The following PEAK1 variants were observed in gnomAD, a reference collection of about 807,000 sequenced individuals.
PEAK1 encodes the protein inactive tyrosine-protein kinase PEAK1.
In PEAK1, 54 loss-of-function variants were observed where a neutral mutation model predicts 124.7. The ratio of observed to expected loss-of-function variants is 0.43; its 90% confidence interval spans 0.35 to 0.54. The LOEUF is 0.54. Among genes scored for constraint, PEAK1 ranks in the 20% least tolerant of loss-of-function variants. The pLI, the probability that PEAK1 is intolerant of heterozygous loss-of-function variation, is 0.01. For synonymous variants in PEAK1, 719 were observed against 760.0 expected (o/e 0.95, Z 0.89); for missense variants, 2,046 against 2,134.5 (o/e 0.96, Z 0.82).
At chr15:77,266,768 A>G (rs1227447839) in intron 5 of PEAK1, among the ~76,000 whole-genome samples, 3 of 152,196 alleles carry the variant, frequency 2.0e-5, no homozygotes, top group Non-Finnish European at 2.9e-5. Context: ...AGAGACCCAC[A>G]TCACGAACTT....
At chr15:77,367,372 A>G (rs1226231345) in intron 1 of PEAK1, among the ~76,000 whole-genome samples, 1 of 152,158 alleles carries the variant, frequency 6.6e-6, no homozygotes, top group East Asian at 1.9e-4. Flanking sequence ...CAGGAACCAA[A>G]GGTTGTATGA....
At chr15:77,167,712 A>G (rs1415097575) in intron 7 of PEAK1, among the ~76,000 whole-genome samples, 1 of 152,250 alleles carries the variant, frequency 6.6e-6, no homozygotes, top group African/African-American at 2.4e-5. Flanking sequence ...GGATTCTCTT[A>G]GTAAAAAGGA....
intron 8 of PEAK1, among the ~76,000 whole-genome samples, chr15:77,152,931 GA>G (rs2054785120): frequency 6.6e-6 from 1 of 152,204 alleles, no homozygotes; most frequent in South Asian, 2.1e-4. Context: ...GTTCATCAAG[GA>G]TATTGGTCTA....
chr15:77,332,338 A>T (rs1421762474), intron 2 of PEAK1: 1 of 929,414 alleles, frequency 1.1e-6, no homozygotes. Flanking sequence ...GGTGGCTCAC[A>T]CCTGTAATCC....
chr15:77,194,945 A>T (rs1021383093), intron 6 of PEAK1, among the ~76,000 whole-genome samples: 4 of 152,252 alleles, frequency 2.6e-5, no homozygotes, highest in Admixed American at 2.6e-4. Context: ...CACCAATTAC[A>T]GCAAGATAGC....
chr15:77,250,453 G>T (rs1294933624), intron 6 of PEAK1, among the ~76,000 whole-genome samples: 1 of 150,572 alleles, frequency 6.6e-6, no homozygotes, highest in Admixed American at 6.7e-5. Flanking sequence ...TGTTTTTTGA[G>T]ATGGAGTCTC....
rs1437484996 is a variant in PEAK1, at chr15:77,332,911, T to G, written c.-603+32252A>C. ...TTTCTTTGTTTACTAATGAGATTGA[T>G]GATGCTTTCCCACATTTATTGGTTG... On this transcript the variant is annotated intron_variant, in intron 2 of 9. Coordinates refer to ENST00000682557, the MANE Select transcript of PEAK1 (RefSeq NM_001385026.1). The G allele has an allele frequency of 1.6e-5, 4 of 242,748 alleles. No individual in the cohort carries two copies. In the South Asian group the frequency reaches 6.1e-4, roughly 37 times the overall value. The allele number at this position is 242,748 out of a possible 1,614,324, so 15.0% of individuals were successfully genotyped here.
In PEAK1 at chr15:77,133,310, G is replaced by A. The variant is rs776197799; in HGVS notation, c.3772C>T (p.Arg1258Cys). 6.8e-6 allele frequency: 11 copies of A among 1,614,206 alleles called. No individual in the cohort carries two copies. Among genetic ancestry groups the A allele is most frequent in the South Asian group, 4.4e-5 (4 of 91,082 alleles). ...CGGCCCTGTCTGCAAGAGGGCCCAC[G>A]CCGGCTGGAGAGGGATTCCATGCTG... ...SNSMESLSSR[R>C]GPSCRQGRGI... is the part of the protein sequence containing the mutation. The change falls in exon 9 of 10, where the codon CGT (arginine) becomes TGT (cysteine). Residue 1258 changes from arginine to cysteine, a missense_variant. By Grantham distance (180) the Arg-to-Cys change is radical. Transcript: ENST00000682557. The surrounding 1 kb of genome is among the most constrained non-coding windows in gnomAD (Gnocchi z 4.2).
chr15:77,318,420 C>T (rs1011839743), intron 2 of PEAK1, among the ~76,000 whole-genome samples: 5 of 152,032 alleles, frequency 3.3e-5, no homozygotes, highest in African/African-American at 1.2e-4. Flanking sequence ...TTAACCCTTG[C>T]CAGAAACCCC....
At chr15:77,280,663 A>G (rs1164623006) in intron 5 of PEAK1, among the ~76,000 whole-genome samples, 1 of 152,102 alleles carries the variant, frequency 6.6e-6, no homozygotes, top group East Asian at 1.9e-4. Flanking sequence ...GGAACACAAA[A>G]TATTTTAATG....
rs372513469 is a variant in PEAK1 at position 77,139,326 on chromosome 15, A to G, written c.3332-5576T>C. Among the ~76,000 whole-genome samples the G allele has an allele frequency of 7.9e-5, 12 of 152,356 alleles. No homozygotes were observed. The East Asian group carries it at 1.9e-3, about 24-fold the overall frequency. On this transcript the variant is annotated intron_variant, in intron 8 of 9. Transcript: ENST00000682557. ...AGGCTGTTTTACAGTTTTTTAAAAA[A>G]TAAGTAGGAGTACACTTTAAAGTTA...
rs1052208450 is a variant in PEAK1 at position 77,111,549 on chromosome 15, G to A, written c.*2607C>T. 6.6e-6 allele frequency: 1 copy of A among 152,158 alleles called. No homozygotes were observed. The highest frequency in any genetic ancestry group is 2.4e-5 in the African/African-American group (1 of 41,418). 9.4% of individuals were successfully genotyped at this position (152,158 alleles called of 1,614,324 possible). A position where few individuals can be genotyped will look rare whatever the true frequency, so the allele number is the denominator to read the frequency against. On this transcript the variant is annotated 3_prime_UTR_variant, in exon 10 of 10. Transcript: ENST00000682557. ...GAAGCCTGAGGCTTTTCTCTGGCTA[G>A]TTTGCATTCATCTTTTGCCCTTAAC...
intron 6 of PEAK1, among the ~76,000 whole-genome samples, chr15:77,191,354 C>T (rs1253508180): frequency 6.6e-6 from 1 of 152,152 alleles, no homozygotes; most frequent in Non-Finnish European, 1.5e-5. Flanking sequence ...TTTCTACATC[C>T]AGCGGAGGCC....
chr15:77,217,963 G>C (rs1354665698), intron 6 of PEAK1, among the ~76,000 whole-genome samples: 1 of 151,982 alleles, frequency 6.6e-6, no homozygotes, highest in African/African-American at 2.4e-5. Flanking sequence ...TTTGTCTATT[G>C]ACTGTGTATA....
In PEAK1 at chr15:77,133,150, G is replaced by A; in HGVS notation, c.3932C>T (p.Ala1311Val). 6.2e-7 allele frequency: 1 copy of A among 1,614,192 alleles called. No individual in the cohort carries two copies. Among genetic ancestry groups the A allele is most frequent in the Non-Finnish European group, 8.5e-7 (1 of 1,180,032 alleles). Residue 1311 changes from alanine (A) to valine (V), a missense_variant, in exon 9 of 10, where the codon GCT (alanine) becomes GTT (valine). Physicochemically the swap from Ala to Val is moderately conservative, Grantham distance 64. Transcript: ENST00000682557. The surrounding 1 kb of genome is among the most constrained non-coding windows in gnomAD (Gnocchi z 4.2). The part of the protein sequence containing the change: ...LAVKCEDLFM[A>V]GQKDQLRFGV... Reference sequence around the variant, plus strand: ...AAAACGGAGCTGGTCTTTCTGCCCAGCCATGAAAAGGTCTTCGCATTTAAC... The same window carrying A: ...AAAACGGAGCTGGTCTTTCTGCCCAACCATGAAAAGGTCTTCGCATTTAAC...
intron 1 of PEAK1, among the ~76,000 whole-genome samples, chr15:77,395,797 C>A (rs1420678915): frequency 6.6e-6 from 1 of 152,028 alleles, no homozygotes; most frequent in African/African-American, 2.4e-5. Context: ...CAACAACAGA[C>A]CCCTTCTATG....
intron 2 of PEAK1, among the ~76,000 whole-genome samples, chr15:77,341,838 T>C (rs1436825967): frequency 6.6e-6 from 1 of 152,188 alleles, no homozygotes; most frequent in Non-Finnish European, 1.5e-5. Context: ...ACCACAAGCA[T>C]ATTAATGCAA....
chr15:77,319,984 C>T (rs2065098272), intron 2 of PEAK1, among the ~76,000 whole-genome samples: 1 of 152,102 alleles, frequency 6.6e-6, no homozygotes, highest in Non-Finnish European at 1.5e-5. Context: ...TAACAAAATG[C>T]CTTCTTTGTA....
chr15:77,364,898 C>T (rs552999127), intron 2 of PEAK1, among the ~76,000 whole-genome samples: 9 of 152,140 alleles, frequency 5.9e-5, no homozygotes, highest in African/African-American at 2.2e-4. Context: ...TATCAGAGAA[C>T]AGTAGTATGA....
Sources: allele counts gnomAD v4.1 joint callset (sites outside exome capture counted in the v4.1 genomes callset), GRCh38; gene constraint gnomAD v4.1.1; non-coding constraint Gnocchi (gnomAD v3.1); transcripts MANE v1.5; gene names NCBI Gene and HGNC (gene_info 2026-07-23, HGNC 2026-07-21).